Variants in OXR1 observed in about 807,000 individuals in gnomAD.
OXR1 encodes oxidation resistance protein 1.
A neutral mutation model predicts 104.6 loss-of-function variants in OXR1; 41 were observed. The observed-to-expected ratio is 0.39, with a 90% confidence interval of 0.31 to 0.51. The LOEUF (loss-of-function observed/expected upper bound fraction) is 0.51, where lower values mean the gene tolerates loss of function less well. Ranked by LOEUF, OXR1 falls within the 20% of genes least tolerant of loss-of-function variation. The pLI is 0.77. For missense variants in OXR1, 955 were observed against 1,031.9 expected, an observed-to-expected ratio of 0.93 and a Z score of 1.02; for synonymous variants, 348 against 348.4, an observed-to-expected ratio of 1.00 and a Z score of 0.01.
chr8:106,722,251 C>A (rs1435860188), intron 11 of OXR1, among the ~76,000 whole-genome samples: 1 of 151,984 alleles, frequency 6.6e-6, no homozygotes, highest in Non-Finnish European at 1.5e-5. Context: ...TAATTTTGTC[C>A]AAAAGTGAAG....
At chr8:106,583,387 T>C (rs1437468559) in intron 3 of OXR1, among the ~76,000 whole-genome samples, 1 of 152,176 alleles carries the variant, frequency 6.6e-6, no homozygotes, top group Non-Finnish European at 1.5e-5. Context: ...ACACTTAACC[T>C]CTGTAAAACT....
Position 106,657,885 on chromosome 8 carries a change from C to T in OXR1, c.221-21325C>T, listed in dbSNP as rs1029437531. The T allele has an allele frequency of 3.2e-6, 4 of 1,245,052 alleles. No individual in the cohort carries two copies. The African/African-American group carries it at 4.7e-5, about 14-fold the overall frequency. The allele number at this position is 1,245,052 out of a possible 1,614,324, so 77.1% of individuals were successfully genotyped here. On this transcript the variant is annotated intron_variant, in intron 3 of 16. Coordinates refer to ENST00000517566, the MANE Select transcript of OXR1 (RefSeq NM_001198533.2). ...TGTGAGGCGCGCGGAGCCGCCTCCC[C>T]TGGGTCAGGTCTGATGGGCCGGTGG...
intron 7 of OXR1, among the ~76,000 whole-genome samples, chr8:106,695,417 CTT>C (rs1183000652): frequency 7.1e-6 from 1 of 141,458 alleles, no homozygotes. Flanking sequence ...TGTATATTTT[CTT>C]TTTTTTTTTT....
intron 7 of OXR1, among the ~76,000 whole-genome samples, chr8:106,702,436 G>C (rs895042808): frequency 6.6e-6 from 1 of 152,020 alleles, no homozygotes; most frequent in African/African-American, 2.4e-5. Context: ...AGAGTCAAGT[G>C]GAAACAGATT....
intron 2 of OXR1, among the ~76,000 whole-genome samples, chr8:106,497,087 A>G (rs767209165): frequency 1.3e-4 from 20 of 152,344 alleles, no homozygotes; most frequent in Non-Finnish European, 2.4e-4. Flanking sequence ...AAGTTGATTC[A>G]GAGAAATGTG....
At chr8:106,352,844 G>T (rs1034841041) in intron 1 of OXR1, among the ~76,000 whole-genome samples, 1 of 152,124 alleles carries the variant, frequency 6.6e-6, no homozygotes, top group African/African-American at 2.4e-5. Flanking sequence ...GACAGAAAAG[G>T]GAGAGATATT....
chr8:106,271,124 G>A (rs1245814299), intron 1 of OXR1, among the ~76,000 whole-genome samples: 1 of 152,024 alleles, frequency 6.6e-6, no homozygotes, highest in Non-Finnish European at 1.5e-5. Context: ...TCGGGCGGAG[G>A]AACTGGGCTG....
intron 11 of OXR1, among the ~76,000 whole-genome samples, chr8:106,722,851 A>G (rs930166025): frequency 3.3e-5 from 5 of 152,214 alleles, no homozygotes; most frequent in African/African-American, 1.2e-4. Flanking sequence ...CTGTATAGTT[A>G]CAAATGAAAC....
At chr8:106,316,770 A>ATCTATCTATCTG (rs1197356309) in intron 1 of OXR1, among the ~76,000 whole-genome samples, 81 of 147,248 alleles carry the variant, frequency 5.5e-4, no homozygotes, top group South Asian at 6.6e-4. Context: ...CTATCTATCT[A>ATCTATCTATCTG]TCTATTGCTC....
intron 3 of OXR1, among the ~76,000 whole-genome samples, chr8:106,533,993 G>A (rs1272596022): frequency 2.0e-5 from 3 of 152,254 alleles, no homozygotes; most frequent in Admixed American, 6.5e-5. Context: ...GATTACAGGC[G>A]TGAACCACCA....
At chr8:106,559,131 C>T (rs532814046) in intron 3 of OXR1, among the ~76,000 whole-genome samples, 1 of 152,326 alleles carries the variant, frequency 6.6e-6, no homozygotes, top group East Asian at 1.9e-4. Flanking sequence ...CCCATTTAAT[C>T]ACTCAGAAGT....
At chr8:106,676,667 C>G (rs1197088377) in intron 3 of OXR1, among the ~76,000 whole-genome samples, 1 of 152,080 alleles carries the variant, frequency 6.6e-6, no homozygotes, top group Non-Finnish European at 1.5e-5. Flanking sequence ...TGCTGTTAGT[C>G]TGATGGACTT....
chr8:106,632,753 G>A (rs545936642), intron 3 of OXR1, among the ~76,000 whole-genome samples: 3 of 152,218 alleles, frequency 2.0e-5, no homozygotes, highest in African/African-American at 7.2e-5. Flanking sequence ...ATGGGCAACT[G>A]GCAAAACCCT....
intron 2 of OXR1, among the ~76,000 whole-genome samples, chr8:106,373,442 G>A (rs981951880): frequency 1.3e-5 from 2 of 152,192 alleles, no homozygotes; most frequent in Non-Finnish European, 2.9e-5. Context: ...CCATCCAGGT[G>A]CTAACATGTT....
intron 1 of OXR1, among the ~76,000 whole-genome samples, chr8:106,351,021 A>T (rs946826502): frequency 1.3e-5 from 2 of 152,246 alleles, no homozygotes; most frequent in African/African-American, 4.8e-5. Flanking sequence ...GAAAATATTT[A>T]AAAACTTATA....
At chr8:106,723,554 C>T in intron 11 of OXR1, among the ~76,000 whole-genome samples, 1 of 150,858 alleles carries the variant, frequency 6.6e-6, no homozygotes, top group African/African-American at 2.4e-5. Flanking sequence ...CACCTGTGAT[C>T]CCAGCTACTC....
intron 2 of OXR1, among the ~76,000 whole-genome samples, chr8:106,417,618 T>TA (rs2130525548): frequency 6.6e-6 from 1 of 152,322 alleles, no homozygotes; most frequent in East Asian, 1.9e-4. Context: ...CAAAAACTCT[T>TA]ACTTTTCACA....
At chr8:106,698,489 CCT>C (rs1251683996) in intron 7 of OXR1, among the ~76,000 whole-genome samples, 1 of 152,084 alleles carries the variant, frequency 6.6e-6, no homozygotes, top group African/African-American at 2.4e-5. Context: ...TGCCTCCCAT[CCT>C]CTCTTTCCTC....
intron 3 of OXR1, among the ~76,000 whole-genome samples, chr8:106,630,907 G>C (rs866166818): frequency 3.4e-4 from 52 of 152,194 alleles, no homozygotes; most frequent in African/African-American, 1.2e-3. Context: ...GTTGCTGCCT[G>C]TGCTAGCTGA....
Sources: allele counts gnomAD v4.1 joint callset (sites outside exome capture counted in the v4.1 genomes callset), GRCh38; gene constraint gnomAD v4.1.1; transcripts MANE v1.5; gene names NCBI Gene and HGNC (gene_info 2026-07-23, HGNC 2026-07-21).